Variants in TBC1D5 observed in about 807,000 individuals in gnomAD.
TBC1D5 encodes TBC1 domain family member 5, also known as TBC1 domain family, member 5.
In TBC1D5, 75 loss-of-function variants were observed where a neutral mutation model predicts 100.3. That is an observed-to-expected ratio of 0.75 (90% CI 0.62 to 0.91). The LOEUF (loss-of-function observed/expected upper bound fraction) is 0.91, where lower values mean the gene tolerates loss of function less well. Among genes scored for constraint, TBC1D5 ranks in the 40% least tolerant of loss-of-function variants. The probability of loss-of-function intolerance (pLI) is 0.00; values close to 1 mark genes in which losing one functional copy is unlikely to be tolerated. For synonymous variants in TBC1D5, 323 were observed against 325.6 expected (o/e 0.99, Z 0.09); for missense variants, 910 against 942.4 (o/e 0.97, Z 0.45).
chr3:17,601,338 C>A (rs1254025036), intron 2 of TBC1D5, among the ~76,000 whole-genome samples: 2 of 152,060 alleles, frequency 1.3e-5, no homozygotes, highest in Non-Finnish European at 2.9e-5. Flanking sequence ...TGGGGAAACC[C>A]CGTCTCTACT....
intron 3 of TBC1D5, 31 bp from the exon 4 acceptor site, chr3:17,428,550 T>C: frequency 7.9e-7 from 1 of 1,259,594 alleles, no homozygotes; most frequent in Non-Finnish European, 1.1e-6. Flanking sequence ...ACTGAAATAA[T>C]GGAGATAAAC....
intron 14 of TBC1D5, among the ~76,000 whole-genome samples, chr3:17,300,316 A>G (rs1266976901): frequency 6.6e-6 from 1 of 152,250 alleles, no homozygotes; most frequent in African/African-American, 2.4e-5. Flanking sequence ...TGACATTACC[A>G]TATTTAAAAT....
chr3:17,242,470 T>C (rs2076381894), intron 16 of TBC1D5, among the ~76,000 whole-genome samples: 1 of 152,046 alleles, frequency 6.6e-6, no homozygotes, highest in Non-Finnish European at 1.5e-5. Flanking sequence ...TATTCTAATT[T>C]ATATATATTT....
At chr3:17,291,915 G>C in exon 15 of TBC1D5, 1 of 1,613,842 alleles carries the variant, frequency 6.2e-7, no homozygotes. Flanking sequence ...CTAAGGAACA[G>C]AGCCTTAAGA....
At chr3:17,222,653 T>TAG (rs1414732119) in intron 17 of TBC1D5, among the ~76,000 whole-genome samples, 1 of 152,164 alleles carries the variant, frequency 6.6e-6, no homozygotes, top group Non-Finnish European at 1.5e-5. Context: ...TTTCTGTTTG[T>TAG]TCTCTCTGGA....
chr3:17,610,514 T>G (rs949681836), intron 2 of TBC1D5, among the ~76,000 whole-genome samples: 1 of 152,222 alleles, frequency 6.6e-6, no homozygotes, highest in East Asian at 1.9e-4. Context: ...TCTCATTAAG[T>G]GCTGCAAAAG....
At chr3:17,524,190 T>C (rs1018627803) in intron 2 of TBC1D5, among the ~76,000 whole-genome samples, 2 of 152,194 alleles carry the variant, frequency 1.3e-5, no homozygotes, top group African/African-American at 4.8e-5. Flanking sequence ...ATGTGCAGCC[T>C]CACTCACAGT....
chr3:17,609,855 C>T (rs1341939658), intron 2 of TBC1D5, among the ~76,000 whole-genome samples: 3 of 152,184 alleles, frequency 2.0e-5, no homozygotes, highest in African/African-American at 7.2e-5. Context: ...GAAACCCACT[C>T]ACCACTTCCA....
intron 15 of TBC1D5, among the ~76,000 whole-genome samples, chr3:17,262,939 G>C (rs2078463242): frequency 6.6e-6 from 1 of 151,902 alleles, no homozygotes; most frequent in Non-Finnish European, 1.5e-5. Context: ...TATACATAAA[G>C]ATGTAGGCTG....
At chr3:17,571,560 T>A (rs991813305) in intron 2 of TBC1D5, among the ~76,000 whole-genome samples, 1 of 152,038 alleles carries the variant, frequency 6.6e-6, no homozygotes, top group Non-Finnish European at 1.5e-5. Context: ...TCCTTTCTTA[T>A]CAATCTTAGA....
At chr3:17,699,125 A>T (rs2072684747) in intron 1 of TBC1D5, among the ~76,000 whole-genome samples, 1 of 144,880 alleles carries the variant, frequency 6.9e-6, no homozygotes, top group African/African-American at 2.6e-5. Context: ...TCACAATAGC[A>T]AAGACTTGGA....
At chr3:17,177,439 T>G (rs186550031) in intron 19 of TBC1D5, among the ~76,000 whole-genome samples, 3 of 152,344 alleles carry the variant, frequency 2.0e-5, no homozygotes, top group Admixed American at 6.5e-5. Flanking sequence ...TTTCAGAGGA[T>G]TGCAGGCTAC....
intron 9 of TBC1D5, among the ~76,000 whole-genome samples, 168 bp from the exon 10 acceptor site, chr3:17,376,781 G>A (rs978719019): frequency 3.9e-5 from 6 of 152,014 alleles, no homozygotes; most frequent in African/African-American, 1.2e-4. Context: ...TTTTATCTAC[G>A]TTCAGAATTT....
At chr3:17,157,550 C>G (rs1177089942) in exon 22 of TBC1D5, 2 of 151,302 alleles carry the variant, frequency 1.3e-5, no homozygotes, top group Admixed American at 6.6e-5. Context: ...AGTGCCCCTC[C>G]TCCAGACACA....
chr3:17,705,921 C>G, intron 1 of TBC1D5: 3 of 1,019,622 alleles, frequency 2.9e-6, no homozygotes, highest in Non-Finnish European at 4.2e-6. Flanking sequence ...CTCGGGCCCG[C>G]GGGGCCCGTC....
intron 1 of TBC1D5, among the ~76,000 whole-genome samples, chr3:17,726,320 T>C (rs1281369824): frequency 6.6e-6 from 1 of 152,232 alleles, no homozygotes; most frequent in African/African-American, 2.4e-5. Flanking sequence ...CTAATTTACA[T>C]TCCCACCACC....
chr3:17,269,785 G>A (rs1330339313), intron 15 of TBC1D5, among the ~76,000 whole-genome samples: 1 of 151,680 alleles, frequency 6.6e-6, no homozygotes, highest in Non-Finnish European at 1.5e-5. Flanking sequence ...TTAGGACTAT[G>A]GCCTCCAGCT....
chr3:17,369,450 T>C (rs2092351370), intron 13 of TBC1D5, among the ~76,000 whole-genome samples: 1 of 152,206 alleles, frequency 6.6e-6, no homozygotes, highest in Non-Finnish European at 1.5e-5. Flanking sequence ...GTAGGTACCA[T>C]TATTTTTAAT....
At chr3:17,231,611 T>C (rs2075426237) in intron 17 of TBC1D5, among the ~76,000 whole-genome samples, 1 of 152,186 alleles carries the variant, frequency 6.6e-6, no homozygotes, top group African/African-American at 2.4e-5. Context: ...AGTAGTTTAA[T>C]TCCTTGACAC....
Sources: gnomAD v4.1 joint callset for allele counts (sites outside exome capture counted in the v4.1 genomes callset) on GRCh38, gnomAD v4.1.1 for gene constraint, MANE v1.5 for transcripts, NCBI Gene and HGNC (gene_info 2026-07-23, HGNC 2026-07-21) for gene names.